Variants in GABRA5 observed in about 807,000 individuals in gnomAD.
GABRA5 encodes gamma-aminobutyric acid type A receptor subunit alpha5, also known as gamma-aminobutyric acid receptor subunit alpha-5.
Under a neutral mutation model 47.3 loss-of-function variants are expected in GABRA5, and 18 were observed. The ratio of observed to expected loss-of-function variants is 0.38; its 90% CI spans 0.26 to 0.56. The LOEUF is 0.56. Among genes scored for constraint, GABRA5 ranks in the 20% least tolerant of loss-of-function variants. GABRA5 has a pLI of 0.71. For missense variants in GABRA5, 365 were observed against 599.3 expected, an observed-to-expected ratio of 0.61 and a Z score of 4.08; for synonymous variants, 237 against 229.3, an observed-to-expected ratio of 1.03 and a Z score of -0.30.
chr15:26,893,164 GGTGTGTATGTGGTGTGTGGTGTGT>G (rs1290891628), intron 6 of GABRA5, among the ~76,000 whole-genome samples: 9 of 144,152 alleles, frequency 6.2e-5, no homozygotes, highest in African/African-American at 2.1e-4. Flanking sequence ...GCGTGTGTGG[GGTGTGTATGTGGTGTGTGGTGTGT>G]GTGTGTATAG....
chr15:26,918,391 T>A (rs528568770), intron 7 of GABRA5, among the ~76,000 whole-genome samples: 8 of 152,314 alleles, frequency 5.3e-5, no homozygotes, highest in Admixed American at 2.0e-4. Context: ...ATTACATTTG[T>A]TTTGTGACAT....
rs908934936 is a variant in GABRA5 at position 26,883,637 on chromosome 15, G to A, written c.497+80G>A. The A allele has an allele frequency of 1.7e-6, 2 of 1,145,372 alleles. No individual in the cohort carries two copies. Among genetic ancestry groups the A allele is most frequent in the Admixed American group, 2.8e-5 (1 of 36,068 alleles). The allele number at this position is 1,145,372 out of a possible 1,614,324, so 71.0% of individuals were successfully genotyped here. On this transcript the variant is annotated intron_variant, in intron 6 of 10. Transcript: ENST00000335625. The surrounding 1 kb of genome is among the most constrained non-coding windows in gnomAD (Gnocchi z 4.8). ...CTGCCCATCCTGCCGCAAGAGCTGC[G>A]CCGCGGAGCTGTTCTGACCATAGGT...
intron 3 of GABRA5, among the ~76,000 whole-genome samples, chr15:26,876,572 A>T (rs1892601968): frequency 6.6e-6 from 1 of 152,150 alleles, no homozygotes; most frequent in Non-Finnish European, 1.5e-5. Context: ...GGCCATGTGG[A>T]GTTCATTACT....
At chr15:26,911,724 G>C (rs1426261542) in intron 6 of GABRA5, among the ~76,000 whole-genome samples, 1 of 152,140 alleles carries the variant, frequency 6.6e-6, no homozygotes, top group Non-Finnish European at 1.5e-5. Flanking sequence ...CAATGGCCTG[G>C]TGGATTGGAG....
At chr15:26,898,289 G>C (rs779317775) in intron 6 of GABRA5, among the ~76,000 whole-genome samples, 4 of 141,562 alleles carry the variant, frequency 2.8e-5, no homozygotes, top group Non-Finnish European at 4.6e-5. Context: ...GGAGGATGCT[G>C]TACAGCTGTG....
At chr15:26,935,254 G>A (rs994924933) in intron 7 of GABRA5, among the ~76,000 whole-genome samples, 1 of 152,168 alleles carries the variant, frequency 6.6e-6, no homozygotes, top group East Asian at 1.9e-4. Context: ...TATTAACATC[G>A]TCAATATCAA....
At chr15:26,928,279 C>T (rs1209604777) in intron 7 of GABRA5, among the ~76,000 whole-genome samples, 1 of 152,188 alleles carries the variant, frequency 6.6e-6, no homozygotes, top group African/African-American at 2.4e-5. Context: ...TCATCATCCC[C>T]AGCTTCTAGT....
At chr15:26,885,231 G>A (rs1033707746) in intron 6 of GABRA5, among the ~76,000 whole-genome samples, 3 of 151,744 alleles carry the variant, frequency 2.0e-5, no homozygotes, top group Admixed American at 6.6e-5. Flanking sequence ...CCTGGGAGGC[G>A]GAGCTTGCAG....
rs2075715 is a variant in GABRA5, at chr15:26,869,528, G to A, written c.86+194G>A. The stretch of plus-strand genomic sequence containing the variant: ...CTTCCTGAGCAAGGCTGCTCCTCAC[G>A]TGGGGTCTCTGAAGTGAGTCAGAGA... On this transcript the variant is annotated intron_variant, in intron 3 of 10. Coordinates refer to ENST00000335625, the MANE Select transcript of GABRA5 (RefSeq NM_000810.4). Among the ~76,000 whole-genome samples, 662 of 152,302 alleles carry A rather than the reference G, an allele frequency of 4.3e-3. 16 individuals are homozygous for A. In the South Asian group the frequency reaches 0.068, roughly 16 times the overall value.
At chr15:26,908,874 A>G (rs1279268925) in intron 6 of GABRA5, among the ~76,000 whole-genome samples, 2 of 152,232 alleles carry the variant, frequency 1.3e-5, no homozygotes, top group Non-Finnish European at 2.9e-5. Context: ...TGAGCTACTT[A>G]CAAATTGGCT....
At chr15:26,878,290 C>A (rs1595394167) in intron 3 of GABRA5, among the ~76,000 whole-genome samples, 1 of 152,360 alleles carries the variant, frequency 6.6e-6, no homozygotes, top group East Asian at 1.9e-4. Context: ...GATAGAGGCG[C>A]TAGCCAGTTC....
intron 7 of GABRA5, among the ~76,000 whole-genome samples, chr15:26,936,721 G>A (rs1243176588): frequency 6.6e-6 from 1 of 152,176 alleles, no homozygotes; most frequent in Non-Finnish European, 1.5e-5. Context: ...AATGCGGCCG[G>A]GCGCTGCTTC....
chr15:26,885,457 A>G (rs906108513), intron 6 of GABRA5, among the ~76,000 whole-genome samples: 3 of 152,166 alleles, frequency 2.0e-5, no homozygotes, highest in African/African-American at 7.2e-5. Flanking sequence ...CTTCTCTCAC[A>G]TTTGTTACCT....
At chr15:26,870,941 C>T (rs916641365) in intron 3 of GABRA5, among the ~76,000 whole-genome samples, 17 of 152,212 alleles carry the variant, frequency 1.1e-4, no homozygotes, top group African/African-American at 3.1e-4. Flanking sequence ...CTTGTAATCC[C>T]AGCACTTTGG....
chr15:26,914,644 A>G (rs1893678454), intron 6 of GABRA5, among the ~76,000 whole-genome samples, 159 bp from the exon 7 acceptor site: 1 of 152,224 alleles, frequency 6.6e-6, no homozygotes, highest in Non-Finnish European at 1.5e-5. Flanking sequence ...ATTCACCTAC[A>G]ACACAAACTT....
At chr15:26,916,847 G>A (rs989426645) in intron 7 of GABRA5, among the ~76,000 whole-genome samples, 1 of 151,950 alleles carries the variant, frequency 6.6e-6, no homozygotes, top group Non-Finnish European at 1.5e-5. Context: ...AAGTGGGATT[G>A]TTTTTCTAAT....
chr15:26,902,128 G>A (rs1595411668), intron 6 of GABRA5, among the ~76,000 whole-genome samples: 1 of 152,034 alleles, frequency 6.6e-6, no homozygotes, highest in Middle Eastern at 3.4e-3. Context: ...GCTACTCTGG[G>A]TCTTTTGCCT....
intron 6 of GABRA5, among the ~76,000 whole-genome samples, chr15:26,895,826 A>AAAAAAAAT (rs1458730535): frequency 7.4e-6 from 1 of 136,018 alleles, no homozygotes; most frequent in Non-Finnish European, 1.5e-5. Context: ...AAAAAAAAAA[A>AAAAAAAAT]AAGAAGAAGA....
chr15:26,876,567 T>C (rs1566863338), intron 3 of GABRA5, among the ~76,000 whole-genome samples: 1 of 152,150 alleles, frequency 6.6e-6, no homozygotes, highest in African/African-American at 2.4e-5. Flanking sequence ...GATTTGGCCA[T>C]GTGGAGTTCA....
Sources: allele counts gnomAD v4.1 joint callset (sites outside exome capture counted in the v4.1 genomes callset), GRCh38; gene constraint gnomAD v4.1.1; non-coding constraint Gnocchi (gnomAD v3.1); transcripts MANE v1.5; gene names NCBI Gene and HGNC (gene_info 2026-07-23, HGNC 2026-07-21).